NPAS2: variants seen among roughly 807,000 people sequenced by gnomAD.
NPAS2 encodes neuronal PAS domain-containing protein 2.
Under a neutral mutation model 107.5 loss-of-function variants are expected in NPAS2, and 23 were observed. The ratio of observed to expected loss-of-function variants is 0.21; its 90% CI spans 0.15 to 0.30. NPAS2 has a LOEUF of 0.30. Ranked by LOEUF, NPAS2 falls within the 10% of genes least tolerant of loss-of-function variation. NPAS2 has a pLI of 1.00. For synonymous variants in NPAS2, 403 were observed against 417.5 expected (o/e 0.97, Z 0.42); for missense variants, 756 against 1,043.3 (o/e 0.72, Z 3.79).
At chr2:100,842,109 A>ACACACACACACT (rs1558798546) in intron 1 of NPAS2, among the ~76,000 whole-genome samples, 1 of 151,118 alleles carries the variant, frequency 6.6e-6, no homozygotes, top group Non-Finnish European at 1.5e-5. Flanking sequence ...ACACACACAC[A>ACACACACACACT]CTTAAGCCCC....
chr2:100,924,900 T>C (rs897447534), intron 2 of NPAS2, among the ~76,000 whole-genome samples: 5 of 152,344 alleles, frequency 3.3e-5, no homozygotes, highest in Middle Eastern at 3.4e-3. Context: ...AGCTAATCTG[T>C]CAGATTTTGC....
chr2:100,958,849 G>A (rs963382941), intron 7 of NPAS2, among the ~76,000 whole-genome samples: 14 of 152,118 alleles, frequency 9.2e-5, no homozygotes, highest in Admixed American at 7.2e-4. Context: ...TCTTCTCAAC[G>A]CCATTACACT....
At position 100,904,795 on chromosome 2, in the gene NPAS2, C is replaced by T. The variant is rs756285917; in HGVS notation, c.32+9C>T. 6.3e-5 allele frequency: 100 copies of T among 1,598,768 alleles called. No homozygotes were observed. The highest frequency in any genetic ancestry group is 8.5e-5 in the Non-Finnish European group (99 of 1,169,488). Reference sequence around the variant, plus strand: ...AAAGACAGAGCCAAGAGGTAAGATGCAGCTGTCCCCCTGCTCAGCAGAGCT... The same window carrying T: ...AAAGACAGAGCCAAGAGGTAAGATGTAGCTGTCCCCCTGCTCAGCAGAGCT... On this transcript the variant is annotated intron_variant, in intron 2 of 20. Coordinates refer to ENST00000335681, the MANE Select transcript of NPAS2 (RefSeq NM_002518.4).
chr2:100,951,219 C>T (rs1256576757), intron 7 of NPAS2, among the ~76,000 whole-genome samples: 1 of 152,172 alleles, frequency 6.6e-6, no homozygotes, highest in Non-Finnish European at 1.5e-5. Flanking sequence ...TCCTCCCAGA[C>T]AACTTTATCA....
chr2:100,893,580 A>G (rs1681218382), intron 1 of NPAS2, among the ~76,000 whole-genome samples: 2 of 152,166 alleles, frequency 1.3e-5, no homozygotes, highest in Non-Finnish European at 2.9e-5. Flanking sequence ...ATTTCAGGGA[A>G]AATTCATGAT....
chr2:100,881,839 G>C (rs552393251), intron 1 of NPAS2, among the ~76,000 whole-genome samples: 18 of 152,330 alleles, frequency 1.2e-4, no homozygotes, highest in Non-Finnish European at 2.5e-4. Context: ...CACATGCCAC[G>C]GACAGTGCTG....
Position 100,996,005 on chromosome 2 carries a change from G to A in NPAS2, c.*423G>A. On this transcript the variant is annotated 3_prime_UTR_variant, in exon 21 of 21. Transcript: ENST00000335681. ...TTTGTATTGGAGAAGGACTGGGTCA[G>A]AGATCTGTTGGAGAGAGAGAATAAA... 1 of 1,212,226 alleles carries A rather than the reference G, an allele frequency of 8.2e-7. No individual in the cohort carries two copies. The highest frequency in any genetic ancestry group is 1.1e-6 in the Non-Finnish European group (1 of 944,916). 75.1% of individuals were successfully genotyped at this position (1,212,226 alleles called of 1,614,324 possible). A position where few individuals can be genotyped will look rare whatever the true frequency, so the allele number is the denominator to read the frequency against.
At chr2:100,936,111 A>G (rs1468930152) in intron 4 of NPAS2, among the ~76,000 whole-genome samples, 1 of 152,178 alleles carries the variant, frequency 6.6e-6, no homozygotes, top group African/African-American at 2.4e-5. Context: ...TTCAGTCTAA[A>G]TCCTACCAGC....
chr2:100,864,901 T>C (rs1452740533), intron 1 of NPAS2, among the ~76,000 whole-genome samples: 1 of 152,202 alleles, frequency 6.6e-6, no homozygotes, highest in African/African-American at 2.4e-5. Context: ...AAATAATAAG[T>C]GCATTGCATT....
chr2:100,821,828 TGTTTA>T (rs1676092255), intron 1 of NPAS2, among the ~76,000 whole-genome samples: 1 of 152,186 alleles, frequency 6.6e-6, no homozygotes, highest in African/African-American at 2.4e-5. Context: ...AATAGTGTAA[TGTTTA>T]AAAGAGTTAT....
In NPAS2 at chr2:100,993,538, C is replaced by T. The variant is rs201673252; in HGVS notation, c.2292+11C>T. The T allele has an allele frequency of 2.1e-4, 318 of 1,527,752 alleles. 1 individual carries two copies. The East Asian group carries it at 4.7e-3, about 23-fold the overall frequency. 94.6% of individuals were successfully genotyped at this position (1,527,752 alleles called of 1,614,324 possible). A position where few individuals can be genotyped will look rare whatever the true frequency, so the allele number is the denominator to read the frequency against. On this transcript the variant is annotated intron_variant, in intron 20 of 20. Transcript: ENST00000335681. ...CAGCACTACCTGCAGGTGGGTGCCA[C>T]GGCCCAGGGGGCCCCCGTGCAGGCC...
chr2:100,886,135 A>T (rs182768396), intron 1 of NPAS2, among the ~76,000 whole-genome samples: 3 of 152,248 alleles, frequency 2.0e-5, no homozygotes, highest in Non-Finnish European at 4.4e-5. Flanking sequence ...TGTTAAGCAC[A>T]CTAATTGGCA....
intron 1 of NPAS2, among the ~76,000 whole-genome samples, chr2:100,824,804 C>G (rs1676274860): frequency 6.6e-6 from 1 of 152,180 alleles, no homozygotes; most frequent in Non-Finnish European, 1.5e-5. Flanking sequence ...AAGGCGATTT[C>G]TCTGCTACCA....
chr2:100,836,930 G>C (rs759718262), intron 1 of NPAS2, among the ~76,000 whole-genome samples: 1 of 152,206 alleles, frequency 6.6e-6, no homozygotes. Flanking sequence ...GCTCCTCTTA[G>C]TTCTGGGGCA....
chr2:100,882,568 G>A (rs975911444), intron 1 of NPAS2, among the ~76,000 whole-genome samples: 5 of 152,200 alleles, frequency 3.3e-5, no homozygotes, highest in African/African-American at 9.7e-5. Flanking sequence ...AGCCGAGATC[G>A]CACCACTGCG....
At chr2:100,958,078 G>A (rs1675688523) in intron 7 of NPAS2, among the ~76,000 whole-genome samples, 1 of 152,184 alleles carries the variant, frequency 6.6e-6, no homozygotes, top group Non-Finnish European at 1.5e-5. Flanking sequence ...AATCCAGAAA[G>A]CAGTATTTCA....
chr2:100,860,320 C>T (rs1470288992), intron 1 of NPAS2, among the ~76,000 whole-genome samples: 1 of 152,186 alleles, frequency 6.6e-6, no homozygotes, highest in Non-Finnish European at 1.5e-5. Flanking sequence ...CAGAGTGATG[C>T]AGTGTATCAG....
chr2:100,850,025 AAAAAAAAAAAAAGC>A (rs1375937782), intron 1 of NPAS2, among the ~76,000 whole-genome samples: 3 of 133,948 alleles, frequency 2.2e-5, no homozygotes, highest in African/African-American at 6.0e-5. Context: ...AAAAAAAAAA[AAAAAAAAAAAAAGC>A]AAGAGAAAAT....
At chr2:100,863,650 GAAAT>G (rs1194500096) in intron 1 of NPAS2, among the ~76,000 whole-genome samples, 1 of 152,182 alleles carries the variant, frequency 6.6e-6, no homozygotes, top group Non-Finnish European at 1.5e-5. Context: ...ACAGGAATGA[GAAAT>G]AAATGCTAAC....
Sources: gnomAD v4.1 joint callset for allele counts (sites outside exome capture counted in the v4.1 genomes callset) on GRCh38, gnomAD v4.1.1 for gene constraint, MANE v1.5 for transcripts, NCBI Gene and HGNC (gene_info 2026-07-23, HGNC 2026-07-21) for gene names.